Variants in EPHA3 observed in about 807,000 individuals in gnomAD.
EPHA3 encodes EPH receptor A3.
A neutral mutation model predicts 107.1 loss-of-function variants in EPHA3; 42 were observed. That is an observed-to-expected ratio of 0.39 (90% CI 0.31 to 0.51). EPHA3 has a LOEUF of 0.51. EPHA3 is among the 20% of genes least tolerant of loss of function. The pLI is 0.78. For missense variants in EPHA3, 1,183 were observed against 1,211.2 expected (o/e 0.98, Z 0.35); for synonymous variants, 461 against 424.8 (o/e 1.09, Z -1.05).
Position 89,210,232 on chromosome 3 carries a change from A to G in EPHA3, c.526A>G (p.Lys176Glu), listed in dbSNP as rs755222529. 1 of 1,614,032 alleles carries G rather than the reference A, an allele frequency of 6.2e-7. No homozygotes were observed. Among genetic ancestry groups the G allele is most frequent in the Non-Finnish European group, 8.5e-7 (1 of 1,179,944 alleles). The change falls in exon 3 of 17, where the codon AAG (lysine) becomes GAG (glutamate). Residue 176 changes from lysine (K) to glutamate (E), a missense_variant. By Grantham distance (56) the Lys-to-Glu change is moderately conservative. Transcript: ENST00000336596. ...GATTAGAGAAGTAGGTCCTGTCAAC[A>G]AGAAGGGATTTTATTTGGCATTTCA... ...TEIREVGPVNKKGFYLAFQDV... is the reference protein window; with the variant it reads ...TEIREVGPVNEKGFYLAFQDV...
chr3:89,196,762 G>C (rs559616814), intron 2 of EPHA3, among the ~76,000 whole-genome samples: 11 of 152,070 alleles, frequency 7.2e-5, no homozygotes, highest in Non-Finnish European at 1.6e-4. Flanking sequence ...CCTCCTGACT[G>C]CTAATTTTTT....
At chr3:89,164,038 G>T (rs746515625) in intron 2 of EPHA3, among the ~76,000 whole-genome samples, 2 of 152,162 alleles carry the variant, frequency 1.3e-5, no homozygotes, top group Non-Finnish European at 2.9e-5. Context: ...CAAGGGAATA[G>T]AAACATCTCA....
intron 11 of EPHA3, among the ~76,000 whole-genome samples, chr3:89,427,011 T>G (rs1485499729): frequency 6.6e-6 from 1 of 151,884 alleles, no homozygotes. Context: ...TTTTTGAATA[T>G]TGTTTAATCA....
intron 3 of EPHA3, among the ~76,000 whole-genome samples, chr3:89,278,354 C>T (rs1173011505): frequency 1.3e-5 from 2 of 152,148 alleles, no homozygotes; most frequent in African/African-American, 4.8e-5. Flanking sequence ...AGAAGCTTGG[C>T]TCTTCCAGGT....
At chr3:89,110,982 G>T (rs1207906612) in intron 1 of EPHA3, among the ~76,000 whole-genome samples, 1 of 151,720 alleles carries the variant, frequency 6.6e-6, no homozygotes, top group Non-Finnish European at 1.5e-5. Flanking sequence ...TCATAAATTG[G>T]ATTAACATTT....
intron 2 of EPHA3, among the ~76,000 whole-genome samples, chr3:89,165,579 T>C (rs1441105741): frequency 6.6e-6 from 1 of 152,164 alleles, no homozygotes; most frequent in Non-Finnish European, 1.5e-5. Context: ...AATGATCCAT[T>C]CAAAAATGCA....
At chr3:89,196,127 AT>A (rs1413583757) in intron 2 of EPHA3, among the ~76,000 whole-genome samples, 1 of 151,826 alleles carries the variant, frequency 6.6e-6, no homozygotes, top group Non-Finnish European at 1.5e-5. Context: ...TTTGCCTTGA[AT>A]GATGTTTCCT....
At chr3:89,347,901 A>G (rs565474236) in intron 5 of EPHA3, among the ~76,000 whole-genome samples, 1 of 151,422 alleles carries the variant, frequency 6.6e-6, no homozygotes, top group African/African-American at 2.4e-5. Flanking sequence ...GGCTCTATTT[A>G]TATGCTGGAT....
intron 6 of EPHA3, among the ~76,000 whole-genome samples, chr3:89,397,533 G>GTTT (rs1708873732): frequency 1.3e-5 from 2 of 150,634 alleles, no homozygotes; most frequent in Non-Finnish European, 2.9e-5. Flanking sequence ...TGAGAAATAT[G>GTTT]CTGCCTTATT....
intron 3 of EPHA3, among the ~76,000 whole-genome samples, chr3:89,336,391 T>C (rs1707393649): frequency 1.3e-5 from 2 of 152,162 alleles, no homozygotes; most frequent in African/African-American, 4.8e-5. Flanking sequence ...GATGATTTTT[T>C]GAAGGATAAA....
chr3:89,246,409 A>G (rs1276680304), intron 3 of EPHA3, among the ~76,000 whole-genome samples: 3 of 152,170 alleles, frequency 2.0e-5, no homozygotes, highest in African/African-American at 7.2e-5. Context: ...TTAAAAAGTT[A>G]TTTATTTGGA....
chr3:89,428,395 A>G (rs1709498475), intron 11 of EPHA3, among the ~76,000 whole-genome samples: 1 of 152,106 alleles, frequency 6.6e-6, no homozygotes, highest in Non-Finnish European at 1.5e-5. Flanking sequence ...TACTATTTAA[A>G]TACATTAAAA....
At chr3:89,390,392 AG>A (rs1170216893) in intron 5 of EPHA3, among the ~76,000 whole-genome samples, 1 of 152,092 alleles carries the variant, frequency 6.6e-6, no homozygotes, top group East Asian at 1.9e-4. Context: ...TGAGGTCAGG[AG>A]TTCAAAACCA....
intron 2 of EPHA3, among the ~76,000 whole-genome samples, chr3:89,164,288 T>C (rs1705013301): frequency 6.6e-6 from 1 of 152,128 alleles, no homozygotes; most frequent in South Asian, 2.1e-4. Flanking sequence ...ACCAAAAAAC[T>C]TATAATGTTT....
At chr3:89,269,035 C>G (rs1444214121) in intron 3 of EPHA3, among the ~76,000 whole-genome samples, 1 of 152,024 alleles carries the variant, frequency 6.6e-6, no homozygotes, top group African/African-American at 2.4e-5. Flanking sequence ...TATGGCATTA[C>G]TACTTTTACT....
intron 3 of EPHA3, among the ~76,000 whole-genome samples, chr3:89,246,951 A>C (rs1283612735): frequency 1.3e-5 from 2 of 152,186 alleles, no homozygotes; most frequent in Non-Finnish European, 2.9e-5. Flanking sequence ...TATACAGAAC[A>C]AGAGCAAATG....
chr3:89,406,766 A>G (rs1559684357), intron 7 of EPHA3, among the ~76,000 whole-genome samples: 1 of 152,284 alleles, frequency 6.6e-6, no homozygotes, highest in South Asian at 2.1e-4. Context: ...CCATTTATAA[A>G]GGTAGGAAAT....
At chr3:89,313,079 G>T (rs937219998) in intron 3 of EPHA3, among the ~76,000 whole-genome samples, 1 of 151,790 alleles carries the variant, frequency 6.6e-6, no homozygotes, top group Non-Finnish European at 1.5e-5. Context: ...AATATTATTT[G>T]TATTCCTTTG....
intron 3 of EPHA3, among the ~76,000 whole-genome samples, chr3:89,254,191 C>G: frequency 6.6e-6 from 1 of 152,130 alleles, no homozygotes; most frequent in South Asian, 2.1e-4. Context: ...ATCTCTATAG[C>G]TTATATTAAA....
Sources: allele counts gnomAD v4.1 joint callset (sites outside exome capture counted in the v4.1 genomes callset), GRCh38; gene constraint gnomAD v4.1.1; transcripts MANE v1.5; gene names NCBI Gene and HGNC (gene_info 2026-07-23, HGNC 2026-07-21).